The following KCNK2 variants were observed in gnomAD, a reference collection of about 807,000 sequenced individuals.
KCNK2 encodes the protein potassium channel subfamily K member 2.
In KCNK2, 21 loss-of-function variants were observed where a neutral mutation model predicts 40.5. The observed-to-expected ratio is 0.52, with a 90% CI of 0.37 to 0.75. KCNK2 has a LOEUF of 0.75. Among genes scored for constraint, KCNK2 ranks in the 30% least tolerant of loss-of-function variants. The pLI is 0.00. For missense variants in KCNK2, 399 were observed against 531.6 expected (o/e 0.75, Z 2.45); for synonymous variants, 191 against 202.2 (o/e 0.94, Z 0.47).
chr1:215,229,577 T>C (rs1019046558), intron 6 of KCNK2, among the ~76,000 whole-genome samples: 2 of 151,936 alleles, frequency 1.3e-5, no homozygotes, highest in African/African-American at 4.8e-5. Flanking sequence ...GCCAGGAGGA[T>C]TGCTTGAGCC....
chr1:215,083,667 A>G (rs1659288535), intron 1 of KCNK2: 3 of 595,944 alleles, frequency 5.0e-6, no homozygotes, highest in East Asian at 2.8e-5. Context: ...TGCCTGAGGT[A>G]TGGGTTTGGA....
chr1:215,123,726 A>G (rs1661296551), intron 2 of KCNK2, among the ~76,000 whole-genome samples: 1 of 152,062 alleles, frequency 6.6e-6, no homozygotes, highest in South Asian at 2.1e-4. Flanking sequence ...GTTTCTTCCA[A>G]TTCTATAATA....
intron 2 of KCNK2, among the ~76,000 whole-genome samples, chr1:215,093,805 ATATATTATATATT>A (rs1558088001): frequency 3.5e-5 from 1 of 28,200 alleles, no homozygotes; most frequent in African/African-American, 6.9e-5. Context: ...ATAATATAAA[ATATATTATATATT>A]ATATATTATA....
At chr1:215,233,243 C>G (rs1666744282) in intron 6 of KCNK2, among the ~76,000 whole-genome samples, 1 of 151,638 alleles carries the variant, frequency 6.6e-6, no homozygotes, top group South Asian at 2.1e-4. Flanking sequence ...TCCAGCTTTG[C>G]TTTTTTTTCA....
chr1:215,015,219 T>A (rs1268180562), intron 1 of KCNK2, among the ~76,000 whole-genome samples: 2 of 152,140 alleles, frequency 1.3e-5, no homozygotes. Flanking sequence ...TCTCTGTTTT[T>A]TGGGGCCTGA....
intron 6 of KCNK2, among the ~76,000 whole-genome samples, chr1:215,219,072 T>C (rs1284949867): frequency 1.3e-5 from 2 of 152,236 alleles, no homozygotes; most frequent in Non-Finnish European, 2.9e-5. Context: ...CAGTTTATTT[T>C]GATGATTAAT....
At chr1:215,184,607 T>C (rs919517626) in intron 5 of KCNK2, among the ~76,000 whole-genome samples, 2 of 152,164 alleles carry the variant, frequency 1.3e-5, no homozygotes, top group African/African-American at 4.8e-5. Flanking sequence ...CATGTCCTTC[T>C]TCACATAGTG....
intron 1 of KCNK2, among the ~76,000 whole-genome samples, chr1:215,010,851 A>ATTTTTG (rs1394858725): frequency 1.2e-4 from 15 of 125,452 alleles, no homozygotes; most frequent in African/African-American, 4.7e-4. Flanking sequence ...CAGGACACAG[A>ATTTTTG]TTTTTTTTTT....
At position 215,236,582 on chromosome 1, in the gene KCNK2, C is replaced by A. The variant is rs368894475; in HGVS notation, c.*1437C>A. On this transcript the variant is annotated 3_prime_UTR_variant, in exon 7 of 7. Coordinates refer to ENST00000444842, the MANE Select transcript of KCNK2 (RefSeq NM_001017425.3). ...TAGTTTAATTTTATATCCTGTAATT[C>A]TTTGGATGGTTCCAAGATTCAGAAA... is the stretch of plus-strand genomic sequence containing the variant. 1 of 152,318 alleles carries A rather than the reference C, an allele frequency of 6.6e-6. No individual in the cohort carries two copies. Among genetic ancestry groups the A allele is most frequent in the South Asian group, 2.1e-4 (1 of 4,812 alleles). The allele number at this position is 152,318 out of a possible 1,614,324, so 9.4% of individuals were successfully genotyped here.
intron 1 of KCNK2, among the ~76,000 whole-genome samples, chr1:215,047,257 T>C (rs1036429959): frequency 3.9e-5 from 6 of 152,138 alleles, no homozygotes; most frequent in Non-Finnish European, 4.4e-5. Flanking sequence ...ATGTCTTAAT[T>C]GAATACTTGC....
intron 5 of KCNK2, among the ~76,000 whole-genome samples, chr1:215,177,740 A>ATTTTTTTTT (rs375712483): frequency 5.9e-5 from 6 of 101,580 alleles, no homozygotes; most frequent in Admixed American, 1.2e-4. Context: ...ATATATATAT[A>ATTTTTTTTT]TTTTTTTTTT....
chr1:215,231,508 A>G (rs1666666147), intron 6 of KCNK2, among the ~76,000 whole-genome samples: 1 of 152,128 alleles, frequency 6.6e-6, no homozygotes, highest in Non-Finnish European at 1.5e-5. Context: ...TACCAACTCT[A>G]TAGGGACGAT....
At chr1:215,149,747 T>C (rs1211787152) in intron 3 of KCNK2, among the ~76,000 whole-genome samples, 1 of 152,192 alleles carries the variant, frequency 6.6e-6, no homozygotes, top group African/African-American at 2.4e-5. Flanking sequence ...CAGGAGTCAC[T>C]AGTGGGATAT....
chr1:215,234,929 C>A lies in KCNK2; in HGVS notation c.1065C>A (p.Phe355Leu), dbSNP rs750778633. The A allele has an allele frequency of 1.3e-5, 21 of 1,614,006 alleles. No individual in the cohort carries two copies. The highest frequency in any genetic ancestry group is 1.7e-5 in the Non-Finnish European group (20 of 1,180,004). Residue 355 changes from phenylalanine to leucine, a missense_variant, in exon 7 of 7, where the codon TTC becomes TTA. Around this residue, in one of 3 missense-constraint regions of KCNK2, gnomAD observed 103 missense variants for 124.3 expected, o/e 0.83. Transcript: ENST00000444842. ...RRLSVEIYDK[F>L]QRATSIKRKL... Reference sequence around the variant, plus strand: ...TGAGTGTGGAGATTTATGACAAGTTCCAGCGGGCCACCTCCATCAAGCGGA... The same window carrying A: ...TGAGTGTGGAGATTTATGACAAGTTACAGCGGGCCACCTCCATCAAGCGGA...
chr1:215,201,373 G>A (rs1233957823), intron 6 of KCNK2, among the ~76,000 whole-genome samples: 1 of 152,176 alleles, frequency 6.6e-6, no homozygotes, highest in Non-Finnish European at 1.5e-5. Flanking sequence ...AGAAAGCAAT[G>A]TAAATCTTGT....
chr1:215,216,727 T>C (rs1665977705), intron 6 of KCNK2, among the ~76,000 whole-genome samples: 1 of 152,092 alleles, frequency 6.6e-6, no homozygotes, highest in Non-Finnish European at 1.5e-5. Flanking sequence ...AAATATTGAA[T>C]AACATAAAAG....
chr1:215,109,892 T>G (rs545471370), intron 2 of KCNK2, among the ~76,000 whole-genome samples: 1 of 152,080 alleles, frequency 6.6e-6, no homozygotes, highest in African/African-American at 2.4e-5. Context: ...TGTTATTTTT[T>G]ATCTTTTTAA....
intron 5 of KCNK2, among the ~76,000 whole-genome samples, chr1:215,194,425 C>T (rs1268500658): frequency 2.0e-5 from 3 of 152,118 alleles, no homozygotes; most frequent in Non-Finnish European, 4.4e-5. Flanking sequence ...AAGTCATTGT[C>T]TCTGGCATTT....
At chr1:215,026,041 G>T (rs1359845912) in intron 1 of KCNK2, among the ~76,000 whole-genome samples, 1 of 151,838 alleles carries the variant, frequency 6.6e-6, no homozygotes, top group Non-Finnish European at 1.5e-5. Context: ...ATTTGTGTTG[G>T]CCTCATAGGG....
Sources: allele counts gnomAD v4.1 joint callset (sites outside exome capture counted in the v4.1 genomes callset), GRCh38; gene constraint gnomAD v4.1.1; regional missense constraint gnomAD v4.1.1; transcripts MANE v1.5; gene names NCBI Gene and HGNC (gene_info 2026-07-23, HGNC 2026-07-21).